The following KLF12 variants were observed in gnomAD, a reference collection of about 807,000 sequenced individuals.
KLF12 encodes the protein KLF transcription factor 12.
In KLF12, 9 loss-of-function variants were observed where a neutral mutation model predicts 37.8. That is an observed-to-expected ratio of 0.24 (90% CI 0.14 to 0.42). The LOEUF is 0.42. Among genes scored for constraint, KLF12 ranks in the 10% least tolerant of loss-of-function variants. KLF12 has a pLI of 1.00. For missense variants in KLF12, 411 were observed against 516.0 expected (o/e 0.80, Z 1.97); for synonymous variants, 208 against 202.1 (o/e 1.03, Z -0.25).
the KLF12 span, among the ~76,000 whole-genome samples, chr13:74,189,572 G>T: frequency 6.6e-6 from 1 of 152,188 alleles, no homozygotes; most frequent in Non-Finnish European, 1.5e-5. Flanking sequence ...TTCGGAATAG[G>T]TAATATAGTC....
At chr13:73,765,210 C>T (rs1312308070) in intron 5 of KLF12, among the ~76,000 whole-genome samples, 1 of 152,096 alleles carries the variant, frequency 6.6e-6, no homozygotes, top group Non-Finnish European at 1.5e-5. Flanking sequence ...CTCAAGACAA[C>T]AGGTCTGTCA....
At chr13:73,779,236 G>A (rs1318387366) in intron 5 of KLF12, among the ~76,000 whole-genome samples, 1 of 152,044 alleles carries the variant, frequency 6.6e-6, no homozygotes, top group Non-Finnish European at 1.5e-5. Flanking sequence ...ATGACATATG[G>A]CAGAACCCCC....
chr13:73,949,585 T>G (rs773090750), intron 2 of KLF12, among the ~76,000 whole-genome samples: 12 of 152,194 alleles, frequency 7.9e-5, no homozygotes, highest in Non-Finnish European at 1.8e-4. Context: ...GCTCACTCAG[T>G]ATTTTCAAAA....
At chr13:73,807,589 C>A (rs1882713932) in intron 5 of KLF12, among the ~76,000 whole-genome samples, 1 of 152,102 alleles carries the variant, frequency 6.6e-6, no homozygotes, top group South Asian at 2.1e-4. Flanking sequence ...AAAGAATATC[C>A]TTTTCATAGG....
intron 1 of KLF12, among the ~76,000 whole-genome samples, chr13:74,113,850 C>T (rs1338417389): frequency 1.3e-5 from 2 of 152,184 alleles, no homozygotes; most frequent in African/African-American, 2.4e-5. Context: ...CCTTCTGGAA[C>T]TGATTCATCA....
intron 1 of KLF12, among the ~76,000 whole-genome samples, chr13:74,115,446 T>C (rs1343058041): frequency 6.6e-6 from 1 of 152,170 alleles, no homozygotes; most frequent in East Asian, 1.9e-4. Context: ...GGTTCACTCC[T>C]GTAATCCCAG....
intron 3 of KLF12, among the ~76,000 whole-genome samples, chr13:73,865,145 T>C (rs1886108697): frequency 6.6e-6 from 1 of 152,156 alleles, no homozygotes; most frequent in Non-Finnish European, 1.5e-5. Flanking sequence ...TGCTTTCTGT[T>C]AGGATAAAAA....
At chr13:73,819,475 T>C (rs2138489976) in intron 4 of KLF12, among the ~76,000 whole-genome samples, 1 of 152,286 alleles carries the variant, frequency 6.6e-6, no homozygotes, top group Non-Finnish European at 1.5e-5. Flanking sequence ...GCAGAACACA[T>C]ATTGGATAAT....
intron 6 of KLF12, among the ~76,000 whole-genome samples, chr13:73,731,355 G>T (rs570144215): frequency 3.3e-5 from 5 of 151,984 alleles, no homozygotes; most frequent in African/African-American, 1.2e-4. Context: ...ACTTTCATTT[G>T]CTAGACAAGT....
intron 1 of KLF12, among the ~76,000 whole-genome samples, chr13:74,113,439 A>G (rs1324016406): frequency 1.3e-5 from 2 of 152,230 alleles, no homozygotes; most frequent in Non-Finnish European, 2.9e-5. Context: ...TGGTGACTTT[A>G]AATTGAAGCC....
At chr13:74,288,531 G>A in the KLF12 span, among the ~76,000 whole-genome samples, 1 of 152,168 alleles carries the variant, frequency 6.6e-6, no homozygotes, top group African/African-American at 2.4e-5. Context: ...GGTCAAATCA[G>A]CAACTTCTGC....
intron 5 of KLF12, among the ~76,000 whole-genome samples, chr13:73,799,427 T>A (rs796169802): frequency 2.2e-4 from 33 of 151,836 alleles, no homozygotes; most frequent in African/African-American, 5.8e-4. Context: ...AATGAAAAAA[T>A]ATATATATAT....
chr13:73,746,052 C>T (rs1005711788), intron 6 of KLF12, among the ~76,000 whole-genome samples: 5 of 136,212 alleles, frequency 3.7e-5, no homozygotes, highest in Admixed American at 3.6e-4. Flanking sequence ...TGGTAAAGAT[C>T]TACAAAGGAA....
At position 73,874,046 on chromosome 13, in the gene KLF12, T is replaced by G. The variant is rs920854102; in HGVS notation, c.124-27673A>C. Among the ~76,000 whole-genome samples the G allele has an allele frequency of 2.9e-4, 44 of 152,192 alleles. No homozygotes were observed. The Middle Eastern group carries it at 0.017, about 59-fold the overall frequency. On this transcript the variant is annotated intron_variant, in intron 3 of 7. Transcript: ENST00000377669. ...TATAATGGCAATGGAAAAGGCAAGG[T>G]CGAGGACTGTTCACAGGGGAGAATT...
At chr13:73,776,288 A>G (rs1229359100) in intron 5 of KLF12, among the ~76,000 whole-genome samples, 1 of 152,194 alleles carries the variant, frequency 6.6e-6, no homozygotes, top group Non-Finnish European at 1.5e-5. Context: ...CAGCTGTAGT[A>G]GCAGTTTCCT....
chr13:73,862,497 T>A (rs1338803963), intron 3 of KLF12, among the ~76,000 whole-genome samples: 3 of 152,136 alleles, frequency 2.0e-5, no homozygotes, highest in Admixed American at 2.0e-4. Flanking sequence ...AACTCCCACA[T>A]CTGAATCTTT....
intron 4 of KLF12, among the ~76,000 whole-genome samples, chr13:73,843,239 G>A (rs993651925): frequency 6.6e-6 from 1 of 151,764 alleles, no homozygotes; most frequent in Non-Finnish European, 1.5e-5. Flanking sequence ...GGTATTTTTT[G>A]GGAGAGATAA....
intron 3 of KLF12, among the ~76,000 whole-genome samples, chr13:73,936,654 G>C (rs1022705535): frequency 1.3e-5 from 2 of 152,038 alleles, no homozygotes; most frequent in African/African-American, 4.8e-5. Context: ...TCAGTGAGAC[G>C]GCGAGGCCCT....
At chr13:73,869,343 C>T (rs1423570409) in intron 3 of KLF12, among the ~76,000 whole-genome samples, 2 of 152,010 alleles carry the variant, frequency 1.3e-5, no homozygotes, top group African/African-American at 4.8e-5. Context: ...ACTGATGGTA[C>T]TTTTTCAATG....
Sources: allele counts gnomAD v4.1 joint callset (sites outside exome capture counted in the v4.1 genomes callset), GRCh38; gene constraint gnomAD v4.1.1; transcripts MANE v1.5; gene names NCBI Gene and HGNC (gene_info 2026-07-23, HGNC 2026-07-21).